LPA: variants seen among roughly 807,000 people sequenced by gnomAD.
LPA encodes the protein apolipoprotein(a).
Under a neutral mutation model 197.9 loss-of-function variants are expected in LPA, and 199 were observed. The observed-to-expected ratio is 1.01, with a 90% CI of 0.90 to 1.13. The LOEUF (loss-of-function observed/expected upper bound fraction) is 1.13, where lower values mean the gene tolerates loss of function less well. LPA is among the 50% of genes most tolerant of loss of function. LPA has a pLI of 0.00. For missense variants in LPA, 1,853 were observed against 1,785.8 expected, an observed-to-expected ratio of 1.04 and a Z score of -0.68; for synonymous variants, 715 against 639.5, an observed-to-expected ratio of 1.12 and a Z score of -1.78.
chr6:160,554,611 C>T (rs1042386829), intron 30 of LPA, among the ~76,000 whole-genome samples: 5 of 152,072 alleles, frequency 3.3e-5, no homozygotes, highest in East Asian at 1.9e-4. Context: ...ATCAGAACCC[C>T]GGTATCCCCC....
intron 16 of LPA, among the ~76,000 whole-genome samples, chr6:160,608,250 C>A (rs768735879): frequency 2.0e-5 from 3 of 152,138 alleles, no homozygotes; most frequent in Non-Finnish European, 2.9e-5. Flanking sequence ...CTTGTTACAT[C>A]AGCCTGCTGA....
intron 19 of LPA, 92 bp from the exon 20 acceptor site, chr6:160,599,751 T>C: frequency 7.2e-7 from 1 of 1,397,320 alleles, no homozygotes; most frequent in South Asian, 1.2e-5. Context: ...AAAGAGTCAC[T>C]GAGATTTACA....
At chr6:160,552,745 T>C (rs1472937420) in intron 30 of LPA, among the ~76,000 whole-genome samples, 1 of 152,220 alleles carries the variant, frequency 6.6e-6, no homozygotes, top group African/African-American at 2.4e-5. Context: ...AAAGAGTATT[T>C]ATTCTAAAAA....
chr6:160,544,705 T>G (rs1227192093), intron 33 of LPA, among the ~76,000 whole-genome samples: 3 of 152,184 alleles, frequency 2.0e-5, no homozygotes, highest in Non-Finnish European at 1.5e-5. Context: ...GGTGGTGTTC[T>G]GTAACTCGGA....
At chr6:160,581,323 A>G (rs561147809) in intron 26 of LPA, among the ~76,000 whole-genome samples, 4 of 152,034 alleles carry the variant, frequency 2.6e-5, no homozygotes, top group Non-Finnish European at 4.4e-5. Flanking sequence ...AGAGAGAGGG[A>G]AGGTTTTAAT....
intron 16 of LPA, 45 bp downstream of exon 16, chr6:160,611,517 T>C: frequency 6.2e-7 from 1 of 1,604,998 alleles, no homozygotes; most frequent in Non-Finnish European, 8.5e-7. Flanking sequence ...TCACAGAAAC[T>C]TCAGTTGGCC....
intron 37 of LPA, among the ~76,000 whole-genome samples, chr6:160,534,886 T>G (rs915685230): frequency 2.6e-5 from 4 of 151,934 alleles, no homozygotes; most frequent in African/African-American, 9.7e-5. Flanking sequence ...GATGTTTATT[T>G]ATGATGATGG....
Position 160,653,951 on chromosome 6 carries a change from T to A in LPA, c.50-3454A>T, listed in dbSNP as rs188974863. On this transcript the variant is annotated intron_variant, in intron 1 of 38. Coordinates refer to ENST00000316300, the MANE Select transcript of LPA (RefSeq NM_005577.4). The stretch of plus-strand genomic sequence containing the variant: ...GGATATATATATATTTTATATATAT[T>A]ATATATAATATATATTATATATAAT... 6.6e-3 allele frequency among the ~76,000 whole-genome samples: 203 copies of A among 30,624 alleles called. 1 individual carries two copies. The highest frequency in any genetic ancestry group is 0.024 in the East Asian group (27 of 1,144). The allele number at this position is 30,624 out of a possible 152,430, so 20.1% of individuals were successfully genotyped here. A position where few individuals can be genotyped will look rare whatever the true frequency, so the allele number is the denominator to read the frequency against.
intron 25 of LPA, among the ~76,000 whole-genome samples, chr6:160,586,145 G>A (rs1354259307): frequency 6.6e-6 from 1 of 152,138 alleles, no homozygotes; most frequent in African/African-American, 2.4e-5. Context: ...TCACAAGTTT[G>A]GCAGGATGTT....
chr6:160,577,543 A>C (rs1415103859), intron 27 of LPA, among the ~76,000 whole-genome samples: 1 of 152,230 alleles, frequency 6.6e-6, no homozygotes, highest in African/African-American at 2.4e-5. Flanking sequence ...TGGAAATTAC[A>C]TTCATGTGCA....
rs1375886084 is a variant in LPA at position 160,659,398 on chromosome 6, G to A, written c.49+4768C>T. On this transcript the variant is annotated intron_variant, in intron 1 of 38. Transcript: ENST00000316300. ...GGCAGAAGGACTTTCAGTCACCTCT[G>A]GGAGCTTCACCCCACAAAAACACAG... Among the ~76,000 whole-genome samples the A allele has an allele frequency of 4.6e-5, 7 of 152,288 alleles. No homozygotes were observed. In the South Asian group the frequency reaches 1.2e-3, roughly 27 times the overall value.
Position 160,545,502 on chromosome 6 carries a change from C to G in LPA, c.5336G>C (p.Gly1779Ala). ...TGGATTCATTGTGTAGCACCAGGGA[C>G]CATTGATGTCACCATCAGGGTTACG... ...YCRNPDGDIN[G>A]PWCYTMNPRK... The change falls in exon 33 of 39, where the codon GGT (glycine) becomes GCT (alanine). Residue 1779 changes from glycine to alanine, a missense_variant. Gly to Ala is a moderately conservative substitution (Grantham distance 60). This residue lies in a region of LPA where 1,737 missense variants were observed against 1,504.4 expected (regional missense o/e 1.15). Transcript: ENST00000316300. The G allele has an allele frequency of 6.2e-7, 1 of 1,613,026 alleles. No homozygotes were observed.
At chr6:160,599,394 G>C (rs938502455) in intron 20 of LPA, 106 bp downstream of exon 20, 2 of 1,504,742 alleles carry the variant, frequency 1.3e-6, no homozygotes, top group South Asian at 1.1e-5. Flanking sequence ...ATGTTCCTCT[G>C]CATCTGAGCC....
At position 160,574,994 on chromosome 6, in the gene LPA, G is replaced by A. The variant is rs755577658; in HGVS notation, c.4631+2142C>T. On this transcript the variant is annotated intron_variant, in intron 28 of 38. Coordinates refer to ENST00000316300, the MANE Select transcript of LPA (RefSeq NM_005577.4). ...TACTTTATTGTTTCTGACTTTCATT[G>A]TTTCTGATGAGAAGGCATCAGTCAT... 1.1e-4 allele frequency among the ~76,000 whole-genome samples: 17 copies of A among 151,992 alleles called. 1 individual carries two copies. The highest frequency in any genetic ancestry group is 7.4e-5 in the Non-Finnish European group (5 of 67,990).
intron 27 of LPA, 136 bp from the exon 28 acceptor site, chr6:160,577,431 T>C: frequency 1.4e-6 from 1 of 729,056 alleles, no homozygotes; most frequent in South Asian, 1.7e-5. Context: ...CAAAAGGATG[T>C]GAAAAGACCC....
At chr6:160,558,127 G>C (rs766784706) in intron 28 of LPA, among the ~76,000 whole-genome samples, 1 of 152,048 alleles carries the variant, frequency 6.6e-6, no homozygotes, top group African/African-American at 2.4e-5. Context: ...CACCGTGTTA[G>C]CCAGGATGGT....
At chr6:160,634,748 T>G (rs1231239219) in intron 7 of LPA, among the ~76,000 whole-genome samples, 20 of 151,766 alleles carry the variant, frequency 1.3e-4, no homozygotes, top group Non-Finnish European at 2.6e-4. Flanking sequence ...TGCTGAAGAT[T>G]GCACTGACTG....
chr6:160,562,179 A>T (rs1358244642), intron 28 of LPA, among the ~76,000 whole-genome samples: 1 of 152,194 alleles, frequency 6.6e-6, no homozygotes, highest in Admixed American at 6.5e-5. Flanking sequence ...GCTTCTGCTC[A>T]TTCAGTATGA....
intron 30 of LPA, among the ~76,000 whole-genome samples, chr6:160,555,238 AATTATATTAT>A (rs533211549): frequency 0.044 from 5,217 of 119,876 alleles, 138 homozygotes; most frequent in African/African-American, 0.057. Flanking sequence ...TATATATATT[AATTATATTAT>A]ATTATATTAT....
Sources: allele counts gnomAD v4.1 joint callset (sites outside exome capture counted in the v4.1 genomes callset), GRCh38; gene constraint gnomAD v4.1.1; regional missense constraint gnomAD v4.1.1; transcripts MANE v1.5; gene names NCBI Gene and HGNC (gene_info 2026-07-23, HGNC 2026-07-21).